Variants in AUTS2 observed in about 807,000 individuals in gnomAD.
AUTS2 encodes autism susceptibility gene 2 protein.
In AUTS2, 17 loss-of-function variants were observed where a neutral mutation model predicts 112.4. The ratio of observed to expected loss-of-function variants is 0.15; its 90% confidence interval spans 0.10 to 0.23. The LOEUF is 0.23. Among genes scored for constraint, AUTS2 ranks in the 10% least tolerant of loss-of-function variants. The probability of loss-of-function intolerance (pLI) is 1.00; values close to 1 mark genes in which losing one functional copy is unlikely to be tolerated. For missense variants in AUTS2, 1,510 were observed against 1,701.6 expected (o/e 0.89, Z 1.98); for synonymous variants, 751 against 702.7 (o/e 1.07, Z -1.09).
At position 70,417,347 on chromosome 7, in the gene AUTS2, C is replaced by G. The variant is rs183455571; in HGVS notation, c.661-18405C>G. On this transcript the variant is annotated intron_variant, in intron 4 of 18. Coordinates refer to ENST00000342771, the MANE Select transcript of AUTS2 (RefSeq NM_015570.4). The stretch of plus-strand genomic sequence containing the variant: ...CAGGGCGCTCAGCTCTTAGAAGGCC[C>G]TTGATGGCAGCACATCAAATTGGCG... 1.3e-3 allele frequency among the ~76,000 whole-genome samples: 197 copies of G among 152,316 alleles called. 2 individuals carry two copies. Among genetic ancestry groups the G allele is most frequent in the Admixed American group, 0.011 (165 of 15,300 alleles).
chr7:70,134,131 C>G (rs536634232), intron 3 of AUTS2, among the ~76,000 whole-genome samples: 48 of 152,232 alleles, frequency 3.2e-4, no homozygotes, highest in African/African-American at 1.0e-3. Context: ...TTCCTCTTGC[C>G]TGCCCCTTTG....
intron 1 of AUTS2, among the ~76,000 whole-genome samples, chr7:69,707,624 A>G (rs919373055): frequency 3.3e-5 from 5 of 152,208 alleles, no homozygotes; most frequent in African/African-American, 1.2e-4. Context: ...TGAATGAACT[A>G]TCTTTTGTGC....
chr7:70,266,740 CCT>C lies in AUTS2; in HGVS notation c.660+132174_660+132175del, dbSNP rs1002404884. On this transcript the variant is annotated intron_variant, in intron 4 of 18. Transcript: ENST00000342771. ...CTCAATAAAGCTGTTTAAAAAAAAC[CCT>C]CTCTGAGTCATTACTGAAATCAGTG... 6.6e-5 allele frequency among the ~76,000 whole-genome samples: 10 copies of C among 152,066 alleles called. 1 individual carries two copies. Among genetic ancestry groups the C allele is most frequent in the Admixed American group, 5.9e-4 (9 of 15,286 alleles).
chr7:70,249,391 T>G (rs1813094853), intron 4 of AUTS2, among the ~76,000 whole-genome samples: 4 of 152,168 alleles, frequency 2.6e-5, no homozygotes, highest in Non-Finnish European at 4.4e-5. Context: ...GCTACCACAC[T>G]GGAAACCATA....
chr7:70,012,994 A>G lies in AUTS2; in HGVS notation c.523-105138A>G, dbSNP rs564304941. On this transcript the variant is annotated intron_variant, in intron 2 of 18. Coordinates refer to ENST00000342771, the MANE Select transcript of AUTS2 (RefSeq NM_015570.4). ...AGAAAGAGGAGGAAAAGAATATTTT[A>G]TAGAGAAAATTTCCATATGGTTACC... Among the ~76,000 whole-genome samples the G allele has an allele frequency of 4.1e-4, 63 of 152,326 alleles. 1 individual carries two copies. Among genetic ancestry groups the G allele is most frequent in the African/African-American group, 1.3e-3 (55 of 41,572 alleles).
chr7:70,623,312 C>T (rs1377599531), intron 5 of AUTS2, among the ~76,000 whole-genome samples: 1 of 152,162 alleles, frequency 6.6e-6, no homozygotes, highest in Non-Finnish European at 1.5e-5. Context: ...TCAAGAGCAT[C>T]GCTGAAGGTT....
At position 69,616,746 on chromosome 7, in the gene AUTS2, C is replaced by T. The variant is rs1044853099; in HGVS notation, c.309+16784C>T. Among the ~76,000 whole-genome samples, 9 of 152,202 alleles carry T rather than the reference C, an allele frequency of 5.9e-5. No homozygotes were observed. In the South Asian group the frequency reaches 1.5e-3, roughly 25 times the overall value. The stretch of plus-strand genomic sequence containing the variant: ...CAGAGTGATAAGGGACTTTGGAGAT[C>T]CTCATGGGCAGTGGTTTTGGGTACC... On this transcript the variant is annotated intron_variant, in intron 1 of 18. Coordinates refer to ENST00000342771, the MANE Select transcript of AUTS2 (RefSeq NM_015570.4).
chr7:69,748,640 G>T (rs1490388293), intron 1 of AUTS2, among the ~76,000 whole-genome samples: 1 of 152,128 alleles, frequency 6.6e-6, no homozygotes, highest in East Asian at 1.9e-4. Context: ...GACTGCAGGG[G>T]GAAGAGACAC....
chr7:70,178,041 G>A (rs932519524), intron 4 of AUTS2, among the ~76,000 whole-genome samples: 4 of 151,362 alleles, frequency 2.6e-5, no homozygotes, highest in African/African-American at 4.9e-5. Flanking sequence ...TCAGCCTCCC[G>A]AGTAGCTGGG....
At chr7:69,919,367 C>G (rs1310849923) in intron 2 of AUTS2, among the ~76,000 whole-genome samples, 1 of 152,176 alleles carries the variant, frequency 6.6e-6, no homozygotes, top group Non-Finnish European at 1.5e-5. Flanking sequence ...CTAGGTGTTA[C>G]ATGTTGGCAG....
chr7:70,326,369 G>A (rs1418805730), intron 4 of AUTS2, among the ~76,000 whole-genome samples: 1 of 152,178 alleles, frequency 6.6e-6, no homozygotes, highest in African/African-American at 2.4e-5. Context: ...CAGTTTTGGG[G>A]TTTTCCTTAC....
intron 1 of AUTS2, among the ~76,000 whole-genome samples, chr7:69,880,970 A>G (rs564791157): frequency 6.0e-4 from 91 of 152,292 alleles, no homozygotes; most frequent in Non-Finnish European, 1.2e-3. Flanking sequence ...GATGCCTACC[A>G]CACGAGGTTG....
chr7:70,041,579 A>G (rs569767894), intron 2 of AUTS2, among the ~76,000 whole-genome samples: 1 of 152,296 alleles, frequency 6.6e-6, no homozygotes, highest in East Asian at 1.9e-4. Context: ...CAAAGGATTT[A>G]TTGCATCATT....
At chr7:69,806,092 C>T (rs1176474881) in intron 1 of AUTS2, among the ~76,000 whole-genome samples, 3 of 150,540 alleles carry the variant, frequency 2.0e-5, no homozygotes, top group Middle Eastern at 6.8e-3. Context: ...TAGAGACACA[C>T]ACGGTCTTGG....
intron 1 of AUTS2, among the ~76,000 whole-genome samples, chr7:69,771,719 G>T (rs1176130201): frequency 6.6e-6 from 1 of 151,984 alleles, no homozygotes; most frequent in Admixed American, 6.6e-5. Flanking sequence ...TAGGAGCTGG[G>T]AATCAAATTT....
intron 2 of AUTS2, among the ~76,000 whole-genome samples, chr7:70,003,208 GAATATATTATATA>G (rs1799289035): frequency 7.9e-6 from 1 of 127,106 alleles, no homozygotes; most frequent in Non-Finnish European, 1.6e-5. Context: ...TATTATATAT[GAATATATTATATA>G]TGAATATATT....
At chr7:70,235,047 T>G (rs1812248151) in intron 4 of AUTS2, among the ~76,000 whole-genome samples, 1 of 152,208 alleles carries the variant, frequency 6.6e-6, no homozygotes, top group African/African-American at 2.4e-5. Flanking sequence ...TCAAAATCCA[T>G]GTATTATAAC....
chr7:70,677,199 G>A (rs754323697), intron 5 of AUTS2, among the ~76,000 whole-genome samples: 13 of 152,144 alleles, frequency 8.5e-5, no homozygotes, highest in East Asian at 1.9e-4. Flanking sequence ...CGCAGTAAAC[G>A]TGGACACTGT....
intron 1 of AUTS2, among the ~76,000 whole-genome samples, chr7:69,897,826 A>G (rs1794816528): frequency 6.6e-6 from 1 of 152,176 alleles, no homozygotes; most frequent in South Asian, 2.1e-4. Flanking sequence ...TCAGACTAAT[A>G]GGAATGGCTG....
Sources: gnomAD v4.1 joint callset for allele counts (sites outside exome capture counted in the v4.1 genomes callset) on GRCh38, gnomAD v4.1.1 for gene constraint, MANE v1.5 for transcripts, NCBI Gene and HGNC (gene_info 2026-07-23, HGNC 2026-07-21) for gene names.